Variants in PSMB2 observed in about 807,000 individuals in gnomAD.
PSMB2 encodes the protein proteasome 20S subunit beta 2.
A neutral mutation model predicts 25.7 loss-of-function variants in PSMB2; 13 were observed. That is an observed-to-expected ratio of 0.51 (90% CI 0.33 to 0.80). The LOEUF (loss-of-function observed/expected upper bound fraction) is 0.80, where lower values mean the gene tolerates loss of function less well. Among genes scored for constraint, PSMB2 ranks in the 30% least tolerant of loss-of-function variants. The pLI is 0.02. For synonymous variants in PSMB2, 87 were observed against 96.2 expected (o/e 0.90, Z 0.56); for missense variants, 202 against 259.0 (o/e 0.78, Z 1.51).
chr1:35,632,340 A>G (rs1391122112), intron 2 of PSMB2, among the ~76,000 whole-genome samples: 3 of 152,250 alleles, frequency 2.0e-5, no homozygotes, highest in East Asian at 3.9e-4. Context: ...GAATGGGACC[A>G]GTGCCAAAAG....
At chr1:35,610,686 G>A (rs1650303692) in intron 3 of PSMB2, among the ~76,000 whole-genome samples, 1 of 152,070 alleles carries the variant, frequency 6.6e-6, no homozygotes, top group Admixed American at 6.5e-5. Context: ...AGTAGAGACA[G>A]GGCTTCATCA....
At chr1:35,609,549 T>C (rs954524994) in intron 3 of PSMB2, 141 bp from the exon 4 acceptor site, 4 of 807,510 alleles carry the variant, frequency 5.0e-6, no homozygotes, top group East Asian at 3.1e-5. Context: ...AGTAAAAATG[T>C]AGGGAAATCT....
chr1:35,635,157 G>A (rs930241672), intron 2 of PSMB2, among the ~76,000 whole-genome samples: 1 of 151,950 alleles, frequency 6.6e-6, no homozygotes, highest in Non-Finnish European at 1.5e-5. Flanking sequence ...TACTTGGGAG[G>A]CTGAGGCAGG....
rs1650193202 is a variant in PSMB2, at chr1:35,607,123, T to C, written c.449-1841A>G. Among the ~76,000 whole-genome samples, 5 of 152,126 alleles carry C rather than the reference T, an allele frequency of 3.3e-5. No individual in the cohort carries two copies. The South Asian group carries it at 1.0e-3, about 31-fold the overall frequency. ...ACACAGGGAAAAAGCCTCAGGACAC[T>C]GATCTGGAAAAAGATTTTATGAATA... On this transcript the variant is annotated intron_variant, in intron 4 of 5. Coordinates refer to ENST00000373237, the MANE Select transcript of PSMB2 (RefSeq NM_002794.5).
chr1:35,628,594 AAAATATATAT>A (rs1345731000), intron 3 of PSMB2, among the ~76,000 whole-genome samples: 12 of 12,518 alleles, frequency 9.6e-4, no homozygotes, highest in South Asian at 5.9e-3. Flanking sequence ...AAAAAAAAAA[AAAATATATAT>A]ATATATATAT....
At chr1:35,628,596 AAT>A (rs869040203) in intron 3 of PSMB2, among the ~76,000 whole-genome samples, 1 of 25,108 alleles carries the variant, frequency 4.0e-5, no homozygotes, top group African/African-American at 1.1e-4. Context: ...AAAAAAAAAA[AAT>A]ATATATATAT....
chr1:35,628,615 ATATATATATATATATAT>A (rs1557456452), intron 3 of PSMB2, among the ~76,000 whole-genome samples: 6 of 48,986 alleles, frequency 1.2e-4, no homozygotes, highest in Non-Finnish European at 1.8e-4. Flanking sequence ...ATATATATAT[ATATATATATATATATAT>A]TTTTTTTTTT....
At chr1:35,618,906 C>T (rs1360900556) in intron 3 of PSMB2, among the ~76,000 whole-genome samples, 1 of 152,098 alleles carries the variant, frequency 6.6e-6, no homozygotes, top group African/African-American at 2.4e-5. Context: ...TTTTGTAGCA[C>T]TAAAAAACAA....
In PSMB2 at chr1:35,602,058, C is replaced by T; in HGVS notation, c.*1209G>A. ...AACTTAAAAATACTTTTTAGCCGGG[C>T]ACGGTGGCTCACGCCTGTAATCCCA... On this transcript the variant is annotated 3_prime_UTR_variant, in exon 6 of 6. Transcript: ENST00000373237. 1 of 560,316 alleles carries T rather than the reference C, an allele frequency of 1.8e-6. No homozygotes were observed. 34.7% of individuals were successfully genotyped at this position (560,316 alleles called of 1,614,324 possible). A position where few individuals can be genotyped will look rare whatever the true frequency, so the allele number is the denominator to read the frequency against.
At chr1:35,607,217 C>A (rs1026808317) in intron 4 of PSMB2, among the ~76,000 whole-genome samples, 1 of 152,112 alleles carries the variant, frequency 6.6e-6, no homozygotes, top group African/African-American at 2.4e-5. Context: ...AATGCTTCTG[C>A]ACAGCAAAGG....
rs139138858 is a variant in PSMB2 at position 35,636,384 on chromosome 1, A to G, written c.140T>C (p.Val47Ala). Reference sequence around the variant, plus strand: ...CTGTACAGTGTCTCCAGCCTCTCCAACACACAGGAGTAATATCTTTTCACT... The same window carrying G: ...CTGTACAGTGTCTCCAGCCTCTCCAGCACACAGGAGTAATATCTTTTCACT... ...KMSEKILLLCVGEAGDTVQFA... is the reference protein window; with the variant it reads ...KMSEKILLLCAGEAGDTVQFA... The change falls in exon 2 of 6, where the codon GTT (valine) becomes GCT (alanine). Residue 47 changes from valine (V) to alanine (A), a missense_variant. Physicochemically the swap from Val to Ala is moderately conservative, Grantham distance 64. Coordinates refer to ENST00000373237, the MANE Select transcript of PSMB2 (RefSeq NM_002794.5). 63 of 1,613,962 alleles carry G rather than the reference A, an allele frequency of 3.9e-5. No individual in the cohort carries two copies. The highest frequency in any genetic ancestry group is 1.6e-4 in the Middle Eastern group (1 of 6,084).
chr1:35,616,192 G>C (rs956962307), intron 3 of PSMB2, among the ~76,000 whole-genome samples: 2 of 152,276 alleles, frequency 1.3e-5, no homozygotes, highest in South Asian at 4.1e-4. Context: ...CCAGAATTCA[G>C]GCCTCCCAAC....
intron 3 of PSMB2, among the ~76,000 whole-genome samples, chr1:35,618,752 G>A (rs1650579806): frequency 6.6e-6 from 1 of 152,152 alleles, no homozygotes; most frequent in South Asian, 2.1e-4. Flanking sequence ...GGAATTGGAA[G>A]TTGAAAACAA....
At chr1:35,622,199 A>G (rs957591830) in intron 3 of PSMB2, among the ~76,000 whole-genome samples, 3 of 152,120 alleles carry the variant, frequency 2.0e-5, no homozygotes, top group African/African-American at 7.2e-5. Flanking sequence ...ATCAGCCCCT[A>G]AATTCATATT....
chr1:35,605,058 A>G (rs143845773), intron 5 of PSMB2, among the ~76,000 whole-genome samples, 175 bp downstream of exon 5: 1 of 152,324 alleles, frequency 6.6e-6, no homozygotes, highest in African/African-American at 2.4e-5. Flanking sequence ...TGTGAGAGAA[A>G]AGTGAGCTTG....
intron 3 of PSMB2, among the ~76,000 whole-genome samples, chr1:35,619,529 T>C (rs1343034108): frequency 1.3e-5 from 2 of 152,202 alleles, no homozygotes; most frequent in Non-Finnish European, 2.9e-5. Context: ...AAGTGCTCAC[T>C]CGTGTTAAAG....
chr1:35,637,945 C>T (rs895455694), intron 1 of PSMB2, among the ~76,000 whole-genome samples: 2 of 152,136 alleles, frequency 1.3e-5, no homozygotes, highest in African/African-American at 4.8e-5. Flanking sequence ...TTTTCGTTTC[C>T]TTCTTTTGCT....
intron 1 of PSMB2, among the ~76,000 whole-genome samples, chr1:35,640,355 G>C (rs1451892385): frequency 6.6e-6 from 1 of 152,138 alleles, no homozygotes; most frequent in Non-Finnish European, 1.5e-5. Flanking sequence ...AAGTTTGTGA[G>C]TTTGGTATTG....
chr1:35,629,394 A>G (rs566147697), intron 3 of PSMB2, among the ~76,000 whole-genome samples: 1 of 152,316 alleles, frequency 6.6e-6, no homozygotes, highest in South Asian at 2.1e-4. Flanking sequence ...TCCTTAACTT[A>G]GTGTTGCATC....
Sources: gnomAD v4.1 joint callset for allele counts (sites outside exome capture counted in the v4.1 genomes callset) on GRCh38, gnomAD v4.1.1 for gene constraint, MANE v1.5 for transcripts, NCBI Gene and HGNC (gene_info 2026-07-23, HGNC 2026-07-21) for gene names.